The following DNAH9 variants were observed in gnomAD, a reference collection of about 807,000 sequenced individuals.
DNAH9 encodes the protein dynein axonemal heavy chain 9, also known as DNAH9 variant protein.
In DNAH9, 345 loss-of-function variants were observed where a neutral mutation model predicts 471.6. The observed-to-expected ratio is 0.73, with a 90% CI of 0.67 to 0.80. The LOEUF (loss-of-function observed/expected upper bound fraction) is 0.80, where lower values mean the gene tolerates loss of function less well. Among genes scored for constraint, DNAH9 ranks in the 30% least tolerant of loss-of-function variants. DNAH9 has a pLI of 0.00. For synonymous variants in DNAH9, 2,093 were observed against 2,123.6 expected (o/e 0.99, Z 0.40); for missense variants, 5,407 against 5,609.2 (o/e 0.96, Z 1.15).
intron 15 of DNAH9, among the ~76,000 whole-genome samples, chr17:11,666,959 G>C (rs572710725): frequency 4.6e-5 from 7 of 152,056 alleles, no homozygotes; most frequent in African/African-American, 7.2e-5. Flanking sequence ...CCCTGCATAG[G>C]TTATATGCTT....
At chr17:11,930,559 G>T (rs1974473347) in intron 63 of DNAH9, among the ~76,000 whole-genome samples, 1 of 152,074 alleles carries the variant, frequency 6.6e-6, no homozygotes, top group Non-Finnish European at 1.5e-5. Context: ...AAATGTAACT[G>T]CATGTTAGAC....
intron 55 of DNAH9, chr17:11,882,810 C>A: frequency 2.0e-6 from 1 of 495,434 alleles, no homozygotes; most frequent in Non-Finnish European, 2.6e-6. Context: ...GGCATCTGAG[C>A]TAATTCCTAA....
rs1567555306 is a variant in DNAH9 at position 11,926,035 on chromosome 17, G to GGA, written c.11877+2094_11877+2095insGA. On this transcript the variant is annotated intron_variant, in intron 62 of 68. Transcript: ENST00000262442. Reference sequence around the variant, plus strand: ...AGCCTGTAAACCTGAGAGATTCTCTGAAAAAAAAAAAAAAAAAAAAAAAAA... The same window carrying GGA: ...AGCCTGTAAACCTGAGAGATTCTCTGGAAAAAAAAAAAAAAAAAAAAAAAAAA... Among the ~76,000 whole-genome samples, 10 of 59,916 alleles carry GGA rather than the reference G, an allele frequency of 1.7e-4. 1 individual carries two copies. The highest frequency in any genetic ancestry group is 6.3e-4 in the African/African-American group (8 of 12,682). 39.3% of individuals were successfully genotyped at this position (59,916 alleles called of 152,430 possible). A position where few individuals can be genotyped will look rare whatever the true frequency, so the allele number is the denominator to read the frequency against.
chr17:11,776,863 A>C (rs950315062), intron 38 of DNAH9, among the ~76,000 whole-genome samples: 1 of 152,180 alleles, frequency 6.6e-6, no homozygotes, highest in African/African-American at 2.4e-5. Context: ...TGACACCTCA[A>C]GCTGAGAGAG....
At chr17:11,809,295 G>A (rs1282465278) in intron 44 of DNAH9, among the ~76,000 whole-genome samples, 1 of 152,186 alleles carries the variant, frequency 6.6e-6, no homozygotes, top group Non-Finnish European at 1.5e-5. Flanking sequence ...GCTGGGCACA[G>A]TGGCTCATGC....
intron 27 of DNAH9, among the ~76,000 whole-genome samples, chr17:11,726,921 G>A (rs1242461316): frequency 2.0e-5 from 3 of 151,932 alleles, no homozygotes; most frequent in Non-Finnish European, 2.9e-5. Flanking sequence ...GGTGGTGCAC[G>A]CCTGTAATCG....
intron 61 of DNAH9, among the ~76,000 whole-genome samples, chr17:11,912,674 T>G (rs930119897): frequency 6.6e-6 from 1 of 152,216 alleles, no homozygotes; most frequent in Non-Finnish European, 1.5e-5. Flanking sequence ...GGTGTACTAG[T>G]GTATAATTCT....
chr17:11,769,212 A>G lies in DNAH9; in HGVS notation c.7435A>G (p.Thr2479Ala). The G allele has an allele frequency of 6.2e-7, 1 of 1,614,186 alleles. No individual in the cohort carries two copies. Among genetic ancestry groups the G allele is most frequent in the East Asian group, 2.2e-5 (1 of 44,870 alleles). ...GCAGCGGCCTGTCATGCTGGTGGGC[A>G]CGGCTGGCACTGGCAAGTCGGTGCT... ...ARQRPVMLVG[T>A]AGTGKSVLVG... Residue 2479 changes from threonine (T) to alanine (A), a missense_variant, in exon 38 of 69, where the codon ACG (threonine) becomes GCG (alanine). Thr to Ala is a moderately conservative substitution (Grantham distance 58). Coordinates refer to ENST00000262442, the MANE Select transcript of DNAH9 (RefSeq NM_001372.4).
intron 59 of DNAH9, among the ~76,000 whole-genome samples, chr17:11,897,083 G>A (rs1015252450): frequency 9.2e-5 from 14 of 152,042 alleles, no homozygotes; most frequent in African/African-American, 2.9e-4. Flanking sequence ...GTAAAACTCC[G>A]TTTCAAAAAA....
At position 11,690,050 on chromosome 17, in the gene DNAH9, C is replaced by T. The variant is rs2074306143; in HGVS notation, c.4228C>T (p.Gln1410Ter). The T allele has an allele frequency of 6.2e-7, 1 of 1,614,082 alleles. No individual in the cohort carries two copies. Among genetic ancestry groups the T allele is most frequent in the Non-Finnish European group, 8.5e-7 (1 of 1,180,042 alleles). ...DQDTTLAHLL[Q>*]LQLHHYEDEV... ...GGACACCACCCTAGCGCACCTGCTG[C>T]AGCTCCAGCTGCACCACTATGAGGA... Residue 1410 changes from glutamine to a stop codon, truncating the protein, a stop_gained, in exon 20 of 69, where the codon CAG becomes TAG. Coordinates refer to ENST00000262442, the MANE Select transcript of DNAH9 (RefSeq NM_001372.4). LOFTEE classifies it high-confidence loss of function.
chr17:11,671,586 G>T lies in DNAH9; in HGVS notation c.3353+1792G>T, dbSNP rs2073973234. Among the ~76,000 whole-genome samples, 3 of 152,122 alleles carry T rather than the reference G, an allele frequency of 2.0e-5. No homozygotes were observed. The South Asian group carries it at 6.2e-4, about 32-fold the overall frequency. Reference sequence around the variant, plus strand: ...GGCTGATTAGGGCAGGGGGATAATGGCCCAGAGCATGAGAGCCCCATAGAG... The same window carrying T: ...GGCTGATTAGGGCAGGGGGATAATGTCCCAGAGCATGAGAGCCCCATAGAG... On this transcript the variant is annotated intron_variant, in intron 17 of 68. Coordinates refer to ENST00000262442, the MANE Select transcript of DNAH9 (RefSeq NM_001372.4).
rs1246641890 is a variant in DNAH9, at chr17:11,626,079, A to G, written c.1351-3338A>G. On this transcript the variant is annotated intron_variant, in intron 6 of 68. Transcript: ENST00000262442. This position sits in a 1 kb window ranked among gnomAD's most constrained non-coding sequence, Gnocchi z 4.3. ...GATGGAACCAGAGTTGCGTAAACTC[A>G]GGGTTTTTTGTTTGTTTGTTCTGGC... 6.6e-6 allele frequency among the ~76,000 whole-genome samples: 1 copy of G among 152,208 alleles called. No homozygotes were observed. The highest frequency in any genetic ancestry group is 1.9e-4 in the East Asian group (1 of 5,200).
rs1466057351 is a variant in DNAH9 at position 11,902,118 on chromosome 17, G to C, written c.11407-601G>C. Reference sequence around the variant, plus strand: ...TGAGTCAGGCACATTTCCAAGGTTGGGAGCAGATATGCTCAGAGTGGGACA... The same window carrying C: ...TGAGTCAGGCACATTTCCAAGGTTGCGAGCAGATATGCTCAGAGTGGGACA... On this transcript the variant is annotated intron_variant, in intron 59 of 68. Coordinates refer to ENST00000262442, the MANE Select transcript of DNAH9 (RefSeq NM_001372.4). 1.3e-5 allele frequency among the ~76,000 whole-genome samples: 2 copies of C among 152,332 alleles called. 1 individual carries two copies. The highest frequency in any genetic ancestry group is 3.9e-4 in the East Asian group (2 of 5,182).
At position 11,799,877 on chromosome 17, in the gene DNAH9, G is replaced by A. The variant is rs207476294; in HGVS notation, c.8420+2084G>A. Among the ~76,000 whole-genome samples, 6 of 152,226 alleles carry A rather than the reference G, an allele frequency of 3.9e-5. No homozygotes were observed. In the South Asian group the frequency reaches 8.3e-4, roughly 21 times the overall value. ...TGGGATTACAGGCCTGAGCCACTGC[G>A]CCCAGCCCCCACTATCTTCTTACTC... On this transcript the variant is annotated intron_variant, in intron 43 of 68. Transcript: ENST00000262442.
At chr17:11,761,370 C>T (rs1967657513) in intron 35 of DNAH9, among the ~76,000 whole-genome samples, 1 of 152,240 alleles carries the variant, frequency 6.6e-6, no homozygotes, top group Admixed American at 6.5e-5. Flanking sequence ...TGACCCATCG[C>T]TGTAAAAGCG....
At chr17:11,914,087 C>T (rs1039489854) in intron 61 of DNAH9, among the ~76,000 whole-genome samples, 7 of 152,140 alleles carry the variant, frequency 4.6e-5, no homozygotes, top group African/African-American at 1.7e-4. Flanking sequence ...TAGGATTACA[C>T]TTCCTTCTTT....
intron 59 of DNAH9, among the ~76,000 whole-genome samples, chr17:11,900,158 G>A (rs1397460106): frequency 1.3e-5 from 2 of 150,830 alleles, no homozygotes; most frequent in Non-Finnish European, 2.9e-5. Context: ...CTCAAAAGTG[G>A]TGGTGCTGGG....
intron 62 of DNAH9, among the ~76,000 whole-genome samples, chr17:11,928,249 A>T (rs1214749489): frequency 6.6e-6 from 1 of 152,030 alleles, no homozygotes; most frequent in Non-Finnish European, 1.5e-5. Flanking sequence ...GGGATTACAT[A>T]TGTGAGCCAC....
At position 11,930,001 on chromosome 17, in the gene DNAH9, C is replaced by G. The variant is rs1371874992; in HGVS notation, c.12013C>G (p.Gln4005Glu). ...APSPEGHIIPQGILENSIKIT... is the reference protein window; with the variant it reads ...APSPEGHIIPEGILENSIKIT... The stretch of plus-strand genomic sequence containing the variant: ...CTCCCCTGAGGGCCACATCATCCCC[C>G]AGGGCATCCTGGAGAACTCCATTAA... The change falls in exon 63 of 69, where the codon CAG becomes GAG. Residue 4005 changes from glutamine (Q) to glutamate (E), a missense_variant. Gln to Glu is a conservative substitution (Grantham distance 29). Around this residue, in one of 3 missense-constraint regions of DNAH9, gnomAD observed 4,636 missense variants for 4,900.3 expected, o/e 0.95. Coordinates refer to ENST00000262442, the MANE Select transcript of DNAH9 (RefSeq NM_001372.4). 3 of 1,614,010 alleles carry G rather than the reference C, an allele frequency of 1.9e-6. No homozygotes were observed. The highest frequency in any genetic ancestry group is 2.5e-6 in the Non-Finnish European group (3 of 1,180,018).
Sources: allele counts gnomAD v4.1 joint callset (sites outside exome capture counted in the v4.1 genomes callset), GRCh38; gene constraint gnomAD v4.1.1; regional missense constraint gnomAD v4.1.1; non-coding constraint Gnocchi (gnomAD v3.1); transcripts MANE v1.5; gene names NCBI Gene and HGNC (gene_info 2026-07-23, HGNC 2026-07-21).